TGM7: variants seen among roughly 807,000 people sequenced by gnomAD.
The protein encoded by TGM7 is transglutaminase 7.
Under a neutral mutation model 79.5 loss-of-function variants are expected in TGM7, and 74 were observed. The observed-to-expected ratio is 0.93, with a 90% CI of 0.77 to 1.13. The LOEUF (loss-of-function observed/expected upper bound fraction) is 1.13, where lower values mean the gene tolerates loss of function less well. Ranked by LOEUF, TGM7 falls within the 50% of genes most tolerant of loss-of-function variation. The pLI, the probability that TGM7 is intolerant of heterozygous loss-of-function variation, is 0.00. For missense variants in TGM7, 912 were observed against 905.9 expected (o/e 1.01, Z -0.09); for synonymous variants, 354 against 362.5 (o/e 0.98, Z 0.27).
chr15:43,280,678 G>A (rs1399648497), intron 9 of TGM7, among the ~76,000 whole-genome samples: 1 of 152,124 alleles, frequency 6.6e-6, no homozygotes, highest in African/African-American at 2.4e-5. Context: ...TAACATGGAG[G>A]CTTAATGTGG....
chr15:43,288,357 G>T (rs1269137001), intron 4 of TGM7, among the ~76,000 whole-genome samples: 1 of 152,222 alleles, frequency 6.6e-6, no homozygotes, highest in East Asian at 1.9e-4. Flanking sequence ...CCCTTTTGGA[G>T]TTTGTGGACA....
intron 4 of TGM7, among the ~76,000 whole-genome samples, chr15:43,290,991 C>A (rs2042960994): frequency 6.6e-6 from 1 of 152,174 alleles, no homozygotes; most frequent in South Asian, 2.1e-4. Context: ...TCTAGATATA[C>A]AATCATGTCA....
intron 1 of TGM7, among the ~76,000 whole-genome samples, chr15:43,300,472 T>C (rs1034068784): frequency 1.3e-5 from 2 of 152,212 alleles, no homozygotes; most frequent in African/African-American, 4.8e-5. Context: ...AAATTTTTTT[T>C]CCAAGTAAGT....
rs5812242 is a variant in TGM7, at chr15:43,297,635, A to AAGAAAGAAAGAAAGAAAGAAAGAG, written c.11-4005_11-4004insCTCTTTCTTTCTTTCTTTCTTTCT. Among the ~76,000 whole-genome samples the AAGAAAGAAAGAAAGAAAGAAAGAG allele has an allele frequency of 1.6e-3, 122 of 77,626 alleles. 1 individual carries two copies. The highest frequency in any genetic ancestry group is 2.3e-3 in the East Asian group (7 of 3,058). 50.9% of individuals were successfully genotyped at this position (77,626 alleles called of 152,430 possible). ...AAAGAAAGAAAGAAAGAAAGAAAGA[A>AAGAAAGAAAGAAAGAAAGAAAGAG]AAAGAAAGAAAGAAAAAGACATTGA... On this transcript the variant is annotated intron_variant, in intron 1 of 12. Transcript: ENST00000452443.
chr15:43,289,653 T>C (rs1440264806), intron 4 of TGM7, among the ~76,000 whole-genome samples: 1 of 152,204 alleles, frequency 6.6e-6, no homozygotes, highest in Non-Finnish European at 1.5e-5. Context: ...ACTTCCACAA[T>C]GGTTGAACTA....
At chr15:43,299,743 G>T (rs1334396472) in intron 1 of TGM7, among the ~76,000 whole-genome samples, 1 of 152,036 alleles carries the variant, frequency 6.6e-6, no homozygotes, top group Admixed American at 6.5e-5. Flanking sequence ...TCTCATTATT[G>T]TTGTCCATTT....
chr15:43,279,924 A>C lies in TGM7; in HGVS notation c.1379T>G (p.Met460Arg). Residue 460 changes from methionine to arginine, a missense_variant, in exon 10 of 13, where the codon ATG (methionine) becomes AGG (arginine). Physicochemically the swap from Met to Arg is moderately conservative, Grantham distance 91. Transcript: ENST00000452443. ...GCCCAGCATTTTCCGAGAAGCCTTC[A>C]TGAAGACAGCTCTCTCCTCAGGGGA... ...EGSPEERAVF[M>R]KASRKMLGPQ... 6 of 1,614,204 alleles carry C rather than the reference A, an allele frequency of 3.7e-6. No individual in the cohort carries two copies. The highest frequency in any genetic ancestry group is 5.1e-6 in the Non-Finnish European group (6 of 1,180,014).
rs1247298953 is a variant in TGM7 at position 43,290,258 on chromosome 15, G to C, written c.558+1721C>G. 5.3e-5 allele frequency among the ~76,000 whole-genome samples: 8 copies of C among 152,088 alleles called. No homozygotes were observed. In the East Asian group the frequency reaches 1.5e-3, roughly 29 times the overall value. On this transcript the variant is annotated intron_variant, in intron 4 of 12. Transcript: ENST00000452443. ...ATTTTTGTATAAGGTGTAAGGAAGG[G>C]GTCCAATTTCAGCTTTCTACATATG... is the stretch of plus-strand genomic sequence containing the variant.
chr15:43,278,785 G>A (rs1475157289), intron 11 of TGM7, among the ~76,000 whole-genome samples: 3 of 152,220 alleles, frequency 2.0e-5, no homozygotes, highest in East Asian at 3.8e-4. Context: ...ACTTTGTGGA[G>A]TCTCTAAATC....
In TGM7 at chr15:43,276,929, C is replaced by T. The variant is rs1248972055; in HGVS notation, c.1906G>A (p.Val636Met). The part of the protein sequence containing the change: ...VHVTLTNTLM[V>M]ALSSCTMVLE... ...ACCATCGTGCAGCTGCTCAGAGCCA[C>T]CATTAAGGTGTTGGTGAGGGTGACA... Residue 636 changes from valine to methionine, a missense_variant, in exon 12 of 13, where the codon GTG (valine) becomes ATG (methionine). Transcript: ENST00000452443. 2 of 1,614,046 alleles carry T rather than the reference C, an allele frequency of 1.2e-6. No individual in the cohort carries two copies. Among genetic ancestry groups the T allele is most frequent in the Non-Finnish European group, 1.7e-6 (2 of 1,180,026 alleles).
chr15:43,298,045 T>C (rs1217205227), intron 1 of TGM7, among the ~76,000 whole-genome samples: 2 of 152,256 alleles, frequency 1.3e-5, no homozygotes, highest in Non-Finnish European at 2.9e-5. Context: ...GCATTTTACA[T>C]GTCTGAAAGA....
intron 8 of TGM7, 96 bp from the exon 9 acceptor site, chr15:43,282,182 C>T: frequency 2.0e-6 from 3 of 1,512,872 alleles, no homozygotes; most frequent in Non-Finnish European, 2.7e-6. Context: ...CACTGACTCT[C>T]ACCCGTGGGA....
chr15:43,280,794 T>TA (rs1362378410), intron 9 of TGM7, among the ~76,000 whole-genome samples: 5 of 152,064 alleles, frequency 3.3e-5, no homozygotes, highest in East Asian at 1.9e-4. Flanking sequence ...GTAGAAATGG[T>TA]AAAAAACAGA....
intron 1 of TGM7, among the ~76,000 whole-genome samples, chr15:43,296,200 C>T (rs1284828521): frequency 3.3e-5 from 5 of 152,088 alleles, no homozygotes; most frequent in Admixed American, 6.6e-5. Flanking sequence ...CCAAGGCGGG[C>T]AGATCACGAG....
intron 1 of TGM7, among the ~76,000 whole-genome samples, chr15:43,296,424 CAAAAAAAAAAA>C (rs35879868): frequency 9.0e-5 from 7 of 78,196 alleles, no homozygotes; most frequent in African/African-American, 3.2e-4. Context: ...GACTCTGTCT[CAAAAAAAAAAA>C]AAAAAAAAAA....
rs1426275099 is a variant in TGM7, at chr15:43,292,026, TG to T, written c.510del (p.Tyr170Ter). 6.2e-7 allele frequency: 1 copy of T among 1,614,068 alleles called. No homozygotes were observed. Among genetic ancestry groups the T allele is most frequent in the South Asian group, 1.1e-5 (1 of 91,084 alleles). ...GAGGTGATGAATCTTTCATGACCCT[TG>T]TAAACAAAGCCATAATCTCGCATGA... ...EYIMRDYGFVYKGHERFITSW... is the reference protein window; with the variant it reads ...EYIMRDYGFVXKGHERFITSW... On this transcript the variant is annotated frameshift_variant, in exon 4 of 13. Transcript: ENST00000452443. LOFTEE classifies it high-confidence loss of function.
chr15:43,276,514 C>T lies in TGM7; in HGVS notation c.2074G>A (p.Glu692Lys), dbSNP rs370200406. 3.3e-5 allele frequency: 54 copies of T among 1,614,020 alleles called. No homozygotes were observed. The highest frequency in any genetic ancestry group is 4.1e-5 in the Non-Finnish European group (48 of 1,180,022). ...TTGTAGCCTTTGATCTCCTTGACCT[C>T]GTTGCTGCTGATGAGAACCTGGAGC... ...RQLQVLISSNEVKEIKGYKDI... is the reference protein window; with the variant it reads ...RQLQVLISSNKVKEIKGYKDI... Residue 692 changes from glutamate to lysine, a missense_variant, in exon 13 of 13, where the codon GAG becomes AAG. Transcript: ENST00000452443.
At chr15:43,299,050 A>AT (rs974082963) in intron 1 of TGM7, among the ~76,000 whole-genome samples, 2 of 152,112 alleles carry the variant, frequency 1.3e-5, no homozygotes, top group African/African-American at 4.8e-5. Flanking sequence ...AGAAAGGAAG[A>AT]TTTTTTAAAA....
At chr15:43,276,641 G>A (rs768874378) in intron 12 of TGM7, 27 bp from the exon 13 acceptor site, 6 of 1,602,860 alleles carry the variant, frequency 3.7e-6, no homozygotes, top group South Asian at 3.3e-5. Flanking sequence ...GCCTGTGAGA[G>A]CCTCGAGGAC....
Sources: allele counts gnomAD v4.1 joint callset (sites outside exome capture counted in the v4.1 genomes callset), GRCh38; gene constraint gnomAD v4.1.1; transcripts MANE v1.5; gene names NCBI Gene and HGNC (gene_info 2026-07-23, HGNC 2026-07-21).